MYO5A: variants seen among roughly 807,000 people sequenced by gnomAD.
MYO5A encodes unconventional myosin-Va.
MYO5A carries 98 observed loss-of-function variants against 249.7 expected under a neutral mutation model. The observed-to-expected ratio is 0.39, with a 90% CI of 0.33 to 0.46. The LOEUF (loss-of-function observed/expected upper bound fraction) is 0.46, where lower values mean the gene tolerates loss of function less well. MYO5A is among the 20% of genes least tolerant of loss of function. The pLI, the probability that MYO5A is intolerant of heterozygous loss-of-function variation, is 0.98. For missense variants in MYO5A, 1,696 were observed against 2,308.8 expected, an observed-to-expected ratio of 0.73 and a Z score of 5.44; for synonymous variants, 778 against 810.6, an observed-to-expected ratio of 0.96 and a Z score of 0.68.
At chr15:52,505,143 G>C in intron 1 of MYO5A, 3 of 712,452 alleles carry the variant, frequency 4.2e-6, no homozygotes, top group Non-Finnish European at 5.1e-6. Context: ...ACTTAATTCA[G>C]GGCCCTCAAT....
At chr15:52,488,766 T>C (rs2076875349) in intron 1 of MYO5A, among the ~76,000 whole-genome samples, 2 of 147,966 alleles carry the variant, frequency 1.4e-5, no homozygotes, top group African/African-American at 4.9e-5. Context: ...TTTGTTTTAC[T>C]CTTCTCCTTA....
intron 1 of MYO5A, among the ~76,000 whole-genome samples, chr15:52,436,171 T>G (rs2444018): frequency 0.12 from 19,027 of 152,246 alleles, 1,460 homozygotes; most frequent in Non-Finnish European, 0.17. Context: ...CAGAGAGTGA[T>G]CCTCCCACCT....
chr15:52,318,456 CAAAA>C (rs35901511), intron 39 of MYO5A, among the ~76,000 whole-genome samples: 49 of 87,518 alleles, frequency 5.6e-4, no homozygotes, highest in African/African-American at 1.9e-3. Context: ...AACTCCATCT[CAAAA>C]AAAAAAAAAA....
intron 1 of MYO5A, among the ~76,000 whole-genome samples, chr15:52,469,068 C>T (rs2076406483): frequency 6.6e-6 from 1 of 152,086 alleles, no homozygotes; most frequent in South Asian, 2.1e-4. Context: ...TAAAAATGTT[C>T]TGCAGCATTG....
chr15:52,348,442 C>T lies in MYO5A; in HGVS notation c.3858+376G>A, dbSNP rs572437643. Among the ~76,000 whole-genome samples, 11 of 152,324 alleles carry T rather than the reference C, an allele frequency of 7.2e-5. No homozygotes were observed. The East Asian group carries it at 2.1e-3, about 29-fold the overall frequency. On this transcript the variant is annotated intron_variant, in intron 29 of 41. Transcript: ENST00000399233. ...GCTCAGCTCCTCAGGCTCCCCTTCA[C>T]CCTTAACCAACAAGCCCGCCACTGG...
intron 5 of MYO5A, among the ~76,000 whole-genome samples, chr15:52,411,246 C>G (rs995244131): frequency 3.3e-5 from 5 of 152,290 alleles, no homozygotes; most frequent in Middle Eastern, 3.4e-3. Context: ...TGTTCAGGGT[C>G]TCTTTAGCCT....
chr15:52,470,965 G>C (rs930363710), intron 1 of MYO5A, among the ~76,000 whole-genome samples: 5 of 150,522 alleles, frequency 3.3e-5, no homozygotes, highest in Admixed American at 3.3e-4. Flanking sequence ...AGAGGTTGCA[G>C]TGAGCCGAGA....
chr15:52,455,536 T>A (rs1035462505), intron 1 of MYO5A, among the ~76,000 whole-genome samples: 5 of 152,132 alleles, frequency 3.3e-5, no homozygotes, highest in African/African-American at 9.7e-5. Flanking sequence ...ATATCACTGA[T>A]GAATACAGAT....
At chr15:52,367,153 G>A (rs2040853305) in intron 22 of MYO5A, 29 bp from the exon 23 acceptor site, 2 of 1,580,704 alleles carry the variant, frequency 1.3e-6, no homozygotes, top group South Asian at 1.1e-5. Context: ...AACTGAGATG[G>A]TTGCAATGGA....
At chr15:52,493,648 C>T (rs1044036468) in intron 1 of MYO5A, among the ~76,000 whole-genome samples, 7 of 151,220 alleles carry the variant, frequency 4.6e-5, no homozygotes, top group African/African-American at 1.7e-4. Flanking sequence ...GGCGATAGAG[C>T]GAGACTCAGT....
At chr15:52,313,933 A>T (rs2037867486) in intron 41 of MYO5A, 85 bp from the exon 42 acceptor site, 2 of 1,497,190 alleles carry the variant, frequency 1.3e-6, no homozygotes, top group African/African-American at 1.4e-5. Flanking sequence ...CTACCCTCAA[A>T]TTCTCAACTA....
chr15:52,462,848 A>G (rs1011917926), intron 1 of MYO5A, among the ~76,000 whole-genome samples: 3 of 91,556 alleles, frequency 3.3e-5, no homozygotes, highest in South Asian at 4.3e-4. Context: ...TCCGTCTTGG[A>G]AAAAAAAAAA....
At chr15:52,475,448 CTT>C (rs997128600) in intron 1 of MYO5A, among the ~76,000 whole-genome samples, 42 of 152,224 alleles carry the variant, frequency 2.8e-4, no homozygotes, top group East Asian at 1.9e-3. Flanking sequence ...TGTGTTTGCT[CTT>C]GTTTCTCTAG....
At position 52,425,832 on chromosome 15, in the gene MYO5A, G is replaced by C; in HGVS notation, c.453C>G (p.Ala151=). 6.2e-7 allele frequency: 1 copy of C among 1,613,856 alleles called. No individual in the cohort carries two copies. The highest frequency in any genetic ancestry group is 1.7e-5 in the Admixed American group (1 of 60,022). The part of the protein sequence containing the change: ...AVAEEAYKQM[A]RDERNQSIIV... ...TAACAATGAAAGCTTCTACCAACCT[G>C]GCCATTTGCTTGTAAGCTTCTTCAG... Residue 151 remains alanine (A), a splice_region_variant and synonymous_variant, in exon 4 of 42, where the codon GCC becomes GCG. Coordinates refer to ENST00000399233, the MANE Select transcript of MYO5A (RefSeq NM_001382347.1).
chr15:52,357,047 T>C (rs563477133), intron 25 of MYO5A, among the ~76,000 whole-genome samples: 2 of 152,052 alleles, frequency 1.3e-5, no homozygotes, highest in African/African-American at 4.8e-5. Flanking sequence ...GTATATAATC[T>C]TTATAATAAA....
At chr15:52,432,518 A>G (rs983582213) in intron 2 of MYO5A, among the ~76,000 whole-genome samples, 8 of 152,206 alleles carry the variant, frequency 5.3e-5, no homozygotes, top group Admixed American at 5.2e-4. Flanking sequence ...TCCAAAAGCC[A>G]CTTCCTGGCT....
chr15:52,387,761 C>A (rs996402649), intron 14 of MYO5A, 68 bp downstream of exon 14: 3 of 1,225,512 alleles, frequency 2.4e-6, no homozygotes, highest in African/African-American at 1.5e-5. Context: ...TTAAAAAAAT[C>A]ATTTTTATTG....
intron 1 of MYO5A, among the ~76,000 whole-genome samples, chr15:52,483,368 G>C (rs1182019414): frequency 1.3e-5 from 2 of 152,162 alleles, no homozygotes; most frequent in Non-Finnish European, 2.9e-5. Context: ...AACAGGGAGA[G>C]TGAGGGGTAC....
intron 28 of MYO5A, among the ~76,000 whole-genome samples, chr15:52,350,882 T>A (rs1268964007): frequency 6.6e-6 from 1 of 152,202 alleles, no homozygotes; most frequent in African/African-American, 2.4e-5. Context: ...AAACCAGCTA[T>A]TTTTGACAAA....
Sources: allele counts gnomAD v4.1 joint callset (sites outside exome capture counted in the v4.1 genomes callset), GRCh38; gene constraint gnomAD v4.1.1; transcripts MANE v1.5; gene names NCBI Gene and HGNC (gene_info 2026-07-23, HGNC 2026-07-21).